The following TTLL1 variants were observed in gnomAD, a reference collection of about 807,000 sequenced individuals.
The protein encoded by TTLL1 is TTL family tubulin polyglutamylase complex subunit L1.
A neutral mutation model predicts 47.8 loss-of-function variants in TTLL1; 33 were observed. The ratio of observed to expected loss-of-function variants is 0.69; its 90% CI spans 0.52 to 0.92. The LOEUF is 0.92. Among genes scored for constraint, TTLL1 ranks in the 40% least tolerant of loss-of-function variants. The pLI, the probability that TTLL1 is intolerant of heterozygous loss-of-function variation, is 0.00. For missense variants in TTLL1, 488 were observed against 547.5 expected (o/e 0.89, Z 1.08); for synonymous variants, 225 against 214.1 (o/e 1.05, Z -0.45).
intron 10 of TTLL1, among the ~76,000 whole-genome samples, chr22:43,042,000 T>C (rs914219869): frequency 6.6e-6 from 1 of 151,718 alleles, no homozygotes; most frequent in Non-Finnish European, 1.5e-5. Flanking sequence ...GGAATCTGCC[T>C]GGGTGGGGGG....
intron 8 of TTLL1, among the ~76,000 whole-genome samples, chr22:43,056,671 G>A (rs1927034704): frequency 1.3e-5 from 2 of 151,690 alleles, no homozygotes; most frequent in African/African-American, 4.8e-5. Context: ...TGTAGTCCCA[G>A]CTACTTGGGA....
intron 9 of TTLL1, among the ~76,000 whole-genome samples, chr22:43,047,342 T>C (rs1244839572): frequency 6.6e-6 from 1 of 152,160 alleles, no homozygotes; most frequent in Non-Finnish European, 1.5e-5. Context: ...AAATGATGAA[T>C]CCTTCCAACA....
chr22:43,075,662 T>A, intron 2 of TTLL1, 72 bp from the exon 3 acceptor site: 1 of 1,335,384 alleles, frequency 7.5e-7, no homozygotes, highest in Non-Finnish European at 1.1e-6. Flanking sequence ...AGGAATCCTC[T>A]AAACAGCATG....
chr22:43,042,005 G>A (rs141203418), intron 10 of TTLL1, among the ~76,000 whole-genome samples: 8 of 145,898 alleles, frequency 5.5e-5, no homozygotes, highest in Admixed American at 6.7e-5. Flanking sequence ...CTGCCTGGGT[G>A]GGGGGGGTCC....
Position 43,070,233 on chromosome 22 carries a change from G to C in TTLL1, c.114-389C>G, listed in dbSNP as rs759849689. The C allele has an allele frequency of 2.3e-5, 30 of 1,320,448 alleles. 1 individual carries two copies. The South Asian group carries it at 3.6e-4, about 16-fold the overall frequency. The allele number at this position is 1,320,448 out of a possible 1,614,324, so 81.8% of individuals were successfully genotyped here. A position where few individuals can be genotyped will look rare whatever the true frequency, so the allele number is the denominator to read the frequency against. On this transcript the variant is annotated intron_variant, in intron 3 of 10. Transcript: ENST00000266254. ...AGGATCTGTACCGAAATTCAGGAAGGTCAAGGAGCCTTTAAAAACAAAATC... is the reference window on the plus strand; with the variant it reads ...AGGATCTGTACCGAAATTCAGGAAGCTCAAGGAGCCTTTAAAAACAAAATC...
chr22:43,063,568 G>A (rs1377404946), intron 7 of TTLL1, among the ~76,000 whole-genome samples: 1 of 151,182 alleles, frequency 6.6e-6, no homozygotes, highest in South Asian at 2.1e-4. Flanking sequence ...TGGTTCAAGC[G>A]ATTCTCCTGC....
intron 9 of TTLL1, among the ~76,000 whole-genome samples, chr22:43,049,712 C>A (rs190194758): frequency 6.7e-6 from 1 of 149,082 alleles, no homozygotes; most frequent in East Asian, 2.0e-4. Context: ...TAGGCTGCAG[C>A]GAGCTATGAT....
intron 4 of TTLL1, among the ~76,000 whole-genome samples, chr22:43,069,346 C>T (rs890179159): frequency 4.7e-5 from 7 of 149,128 alleles, no homozygotes; most frequent in Non-Finnish European, 8.9e-5. Context: ...GAGCTGAGAT[C>T]GCGCCACTAC....
rs1040657678 is a variant in TTLL1, at chr22:43,059,745, G to A, written c.748-218C>T. Reference sequence around the variant, plus strand: ...CACTCTGTCCCCCAAGCTGGAGTGCGGTGGCATTACTTTGGTGCACTGCAA... The same window carrying A: ...CACTCTGTCCCCCAAGCTGGAGTGCAGTGGCATTACTTTGGTGCACTGCAA... On this transcript the variant is annotated intron_variant, in intron 7 of 10. Transcript: ENST00000266254. Among the ~76,000 whole-genome samples, 31 of 151,866 alleles carry A rather than the reference G, an allele frequency of 2.0e-4. No homozygotes were observed. The East Asian group carries it at 4.1e-3, about 20-fold the overall frequency.
intron 7 of TTLL1, 103 bp from the exon 8 acceptor site, chr22:43,059,630 G>T: frequency 7.2e-7 from 1 of 1,395,602 alleles, no homozygotes; most frequent in Non-Finnish European, 9.5e-7. Context: ...CCCCCTGGGT[G>T]TGGGCATCCA....
chr22:43,048,005 G>A (rs1371676019), intron 9 of TTLL1, among the ~76,000 whole-genome samples: 1 of 151,976 alleles, frequency 6.6e-6, no homozygotes, highest in East Asian at 1.9e-4. Flanking sequence ...TTCTTATTAT[G>A]AATACATGAA....
At chr22:43,082,738 G>A (rs1050709768) in intron 1 of TTLL1, among the ~76,000 whole-genome samples, 2 of 151,576 alleles carry the variant, frequency 1.3e-5, no homozygotes, top group South Asian at 2.1e-4. Context: ...AACAGGCTGC[G>A]CGCGGTGGCT....
chr22:43,085,375 C>T (rs763288283), intron 1 of TTLL1, among the ~76,000 whole-genome samples: 2 of 152,164 alleles, frequency 1.3e-5, no homozygotes, highest in African/African-American at 4.8e-5. Context: ...ATGTGATGCC[C>T]AAAGGCAGAT....
chr22:43,042,615 G>A (rs1181214348), intron 10 of TTLL1, among the ~76,000 whole-genome samples: 2 of 152,224 alleles, frequency 1.3e-5, no homozygotes, highest in Non-Finnish European at 2.9e-5. Context: ...GCTAGATGCT[G>A]CTGGGCTCTG....
intron 9 of TTLL1, among the ~76,000 whole-genome samples, chr22:43,049,266 G>A (rs918417053): frequency 1.3e-5 from 2 of 152,118 alleles, no homozygotes; most frequent in African/African-American, 4.8e-5. Context: ...GCTCATGCCT[G>A]TAATCCCAGC....
At chr22:43,042,961 G>A (rs2146955932) in intron 10 of TTLL1, among the ~76,000 whole-genome samples, 1 of 146,424 alleles carries the variant, frequency 6.8e-6, no homozygotes, top group Admixed American at 6.8e-5. Flanking sequence ...TTTTTTTGAG[G>A]CAGACTTTCG....
intron 2 of TTLL1, among the ~76,000 whole-genome samples, chr22:43,077,646 G>T (rs1928596022): frequency 6.6e-6 from 1 of 152,144 alleles, no homozygotes; most frequent in Non-Finnish European, 1.5e-5. Context: ...GGAGGACTCT[G>T]GACCTCGGTC....
At chr22:43,080,365 T>C (rs562250388) in intron 1 of TTLL1, among the ~76,000 whole-genome samples, 1 of 152,238 alleles carries the variant, frequency 6.6e-6, no homozygotes, top group South Asian at 2.1e-4. Context: ...TCTTTAACCA[T>C]TTTAAGAATA....
intron 9 of TTLL1, among the ~76,000 whole-genome samples, chr22:43,047,764 C>T (rs907322386): frequency 5.9e-5 from 9 of 152,088 alleles, no homozygotes; most frequent in Non-Finnish European, 7.4e-5. Context: ...CCACCGTGCC[C>T]GGCCAGTCAC....
Sources: gnomAD v4.1 joint callset for allele counts (sites outside exome capture counted in the v4.1 genomes callset) on GRCh38, gnomAD v4.1.1 for gene constraint, MANE v1.5 for transcripts, NCBI Gene and HGNC (gene_info 2026-07-23, HGNC 2026-07-21) for gene names.